The following SCAPER variants were observed in gnomAD, a reference collection of about 807,000 sequenced individuals.
The protein encoded by SCAPER is S phase cyclin A-associated protein in the endoplasmic reticulum.
Under a neutral mutation model 182.2 loss-of-function variants are expected in SCAPER, and 98 were observed. The ratio of observed to expected loss-of-function variants is 0.54; its 90% CI spans 0.46 to 0.64. SCAPER has a LOEUF of 0.64. SCAPER is among the 30% of genes least tolerant of loss of function. SCAPER has a pLI of 0.00. For synonymous variants in SCAPER, 605 were observed against 564.6 expected (o/e 1.07, Z -1.01); for missense variants, 1,432 against 1,690.0 (o/e 0.85, Z 2.68).
At chr15:76,579,779 C>G (rs2048133004) in intron 22 of SCAPER, among the ~76,000 whole-genome samples, 1 of 152,008 alleles carries the variant, frequency 6.6e-6, no homozygotes, top group East Asian at 1.9e-4. Context: ...CTACAAGAAA[C>G]AAATTTCTCC....
At chr15:76,628,072 G>T (rs1299063433) in intron 21 of SCAPER, among the ~76,000 whole-genome samples, 3 of 152,044 alleles carry the variant, frequency 2.0e-5, no homozygotes, top group Non-Finnish European at 4.4e-5. Flanking sequence ...ATGTTTGTTG[G>T]CCGCATGAAT....
At chr15:76,715,622 A>C (rs2059849688) in intron 17 of SCAPER, among the ~76,000 whole-genome samples, 1 of 151,952 alleles carries the variant, frequency 6.6e-6, no homozygotes, top group Non-Finnish European at 1.5e-5. Flanking sequence ...TATTATACCA[A>C]GTCAGGGTCC....
chr15:76,801,780 C>T (rs1002855051), intron 6 of SCAPER, among the ~76,000 whole-genome samples: 2 of 152,026 alleles, frequency 1.3e-5, no homozygotes, highest in South Asian at 2.1e-4. Flanking sequence ...ATTAGCTGGG[C>T]GTGGTGGCGG....
chr15:76,776,081 G>A (rs1374807489), intron 8 of SCAPER, among the ~76,000 whole-genome samples: 3 of 152,144 alleles, frequency 2.0e-5, no homozygotes, highest in Non-Finnish European at 4.4e-5. Context: ...ATAGACTACA[G>A]TAGACTGCCT....
chr15:76,833,845 AC>A (rs1014898692), intron 5 of SCAPER, among the ~76,000 whole-genome samples: 1 of 152,238 alleles, frequency 6.6e-6, no homozygotes, highest in Non-Finnish European at 1.5e-5. Flanking sequence ...ACATTAGAGC[AC>A]CTAGATTCAT....
rs758498490 is a variant in SCAPER at position 76,771,783 on chromosome 15, C to T, written c.1207G>A (p.Ala403Thr). The T allele has an allele frequency of 6.8e-6, 11 of 1,613,026 alleles. No homozygotes were observed. The highest frequency in any genetic ancestry group is 2.2e-5 in the East Asian group (1 of 44,824). Residue 403 changes from alanine to threonine, a missense_variant, in exon 10 of 32, where the codon GCA (alanine) becomes ACA (threonine). Ala to Thr is a moderately conservative substitution (Grantham distance 58, BLOSUM62 0). Transcript: ENST00000563290. ...GGGTCCATTTCATTTTCTATCCTTG[C>T]TTTCTCTGCTGGAAATTTTTCTTCA... ...VNEEKFPAEK[A>T]RIENEMDPSD...
At chr15:76,645,736 G>C (rs2054494749) in intron 21 of SCAPER, among the ~76,000 whole-genome samples, 1 of 152,108 alleles carries the variant, frequency 6.6e-6, no homozygotes, top group Admixed American at 6.5e-5. Context: ...TTGTAAATGA[G>C]AAGGTTAGAA....
At chr15:76,582,369 A>G (rs1382197542) in intron 22 of SCAPER, among the ~76,000 whole-genome samples, 1 of 152,178 alleles carries the variant, frequency 6.6e-6, no homozygotes, top group Non-Finnish European at 1.5e-5. Flanking sequence ...TTCAAATAAA[A>G]TGAAATACCT....
intron 27 of SCAPER, among the ~76,000 whole-genome samples, chr15:76,401,830 C>A (rs1567064674): frequency 6.6e-6 from 1 of 152,142 alleles, no homozygotes; most frequent in Non-Finnish European, 1.5e-5. Context: ...AGGGAGAAAA[C>A]TCAATCAAGG....
intron 2 of SCAPER, among the ~76,000 whole-genome samples, chr15:76,866,835 A>T (rs1176838524): frequency 6.6e-6 from 1 of 151,174 alleles, no homozygotes; most frequent in Non-Finnish European, 1.5e-5. Context: ...TTCAAACAGT[A>T]TTTTTTTTTA....
At chr15:76,392,568 TAC>T (rs5813838) in intron 27 of SCAPER, among the ~76,000 whole-genome samples, 1 of 150,156 alleles carries the variant, frequency 6.7e-6, no homozygotes, top group Non-Finnish European at 1.5e-5. Flanking sequence ...AGAGCTCGTC[TAC>T]ACACACACAC....
chr15:76,902,704 A>C (rs995853839), intron 1 of SCAPER, among the ~76,000 whole-genome samples: 2 of 152,202 alleles, frequency 1.3e-5, no homozygotes, highest in East Asian at 3.8e-4. Context: ...TAACATTCAC[A>C]TGTGATTCCC....
At chr15:76,376,970 CTG>C (rs1348642110) in intron 28 of SCAPER, among the ~76,000 whole-genome samples, 1 of 152,196 alleles carries the variant, frequency 6.6e-6, no homozygotes, top group Admixed American at 6.5e-5. Context: ...GAGTCTGAGT[CTG>C]TCTGTGCAGC....
intron 2 of SCAPER, among the ~76,000 whole-genome samples, chr15:76,879,228 C>T (rs2073378374): frequency 6.6e-6 from 1 of 152,132 alleles, no homozygotes; most frequent in South Asian, 2.1e-4. Context: ...ATAGCCTGCC[C>T]CTCTATAATG....
intron 25 of SCAPER, among the ~76,000 whole-genome samples, chr15:76,456,311 C>A (rs917194631): frequency 6.6e-6 from 1 of 152,212 alleles, no homozygotes; most frequent in Non-Finnish European, 1.5e-5. Flanking sequence ...TCCTATTTCT[C>A]CACATCCTTG....
intron 29 of SCAPER, among the ~76,000 whole-genome samples, chr15:76,357,060 A>G (rs1164356395): frequency 1.3e-5 from 2 of 151,826 alleles, no homozygotes; most frequent in Admixed American, 6.6e-5. Context: ...GTATTTATTT[A>G]CCAACTGGCT....
At chr15:76,621,639 A>G in intron 22 of SCAPER, 125 bp downstream of exon 22, 6 of 804,020 alleles carry the variant, frequency 7.5e-6, no homozygotes, top group Non-Finnish European at 1.2e-5. Context: ...CTACTGTGTT[A>G]AGAGAATGCT....
chr15:76,864,858 T>C (rs2072152470), intron 2 of SCAPER, among the ~76,000 whole-genome samples: 1 of 152,138 alleles, frequency 6.6e-6, no homozygotes, highest in Non-Finnish European at 1.5e-5. Context: ...TACTTGTCAT[T>C]TTGAAATAAA....
intron 15 of SCAPER, among the ~76,000 whole-genome samples, chr15:76,750,763 G>GA (rs989359070): frequency 1.3e-5 from 2 of 151,726 alleles, no homozygotes; most frequent in African/African-American, 2.4e-5. Flanking sequence ...AGCTATGTAT[G>GA]AAAAAACCTC....
Sources: gnomAD v4.1 joint callset for allele counts (sites outside exome capture counted in the v4.1 genomes callset) on GRCh38, gnomAD v4.1.1 for gene constraint, MANE v1.5 for transcripts, NCBI Gene and HGNC (gene_info 2026-07-23, HGNC 2026-07-21) for gene names.